ZNF619: variants seen among roughly 807,000 people sequenced by gnomAD.
The protein encoded by ZNF619 is zinc finger protein 619.
A neutral mutation model predicts 14.2 loss-of-function variants in ZNF619; 9 were observed. That is an observed-to-expected ratio of 0.64 (90% CI 0.38 to 1.11). ZNF619 has a LOEUF of 1.11. Among genes scored for constraint, ZNF619 ranks in the 50% least tolerant of loss-of-function variants. The pLI is 0.01. For missense variants in ZNF619, 659 were observed against 680.1 expected (o/e 0.97, Z 0.34); for synonymous variants, 246 against 252.8 (o/e 0.97, Z 0.26).
rs1173594279 is a variant in ZNF619, at chr3:40,487,406, A to G, written c.896A>G (p.Tyr299Cys). 1.2e-6 allele frequency: 2 copies of G among 1,614,248 alleles called. No homozygotes were observed. The highest frequency in any genetic ancestry group is 1.7e-6 in the Non-Finnish European group (2 of 1,180,046). ...ACTGACTGTGGTAAAACCTTCAGTT[A>G]TAATTCAAAACTGATTCGGCATCAG... Reference protein sequence around the residue: ...ECTDCGKTFSYNSKLIRHQRI... With the variant: ...ECTDCGKTFSCNSKLIRHQRI... Residue 299 changes from tyrosine to cysteine, a missense_variant, in exon 5 of 5, where the codon TAT becomes TGT. Coordinates refer to ENST00000432264, the MANE Select transcript of ZNF619 (RefSeq NM_001145093.4).
rs145391956 is a variant in ZNF619, at chr3:40,488,121, G to A, written c.1611G>A (p.Leu537=). The part of the protein sequence containing the change: ...VLPPSVPFFL[L]LPSSEKANPS... ...CTCCCTCTGTGCCTTTCTTCCTGCT[G>A]CTTCCCTCATCTGAAAAGGCCAACC... Residue 537 remains leucine (L), a synonymous_variant, in exon 5 of 5, where the codon CTG becomes CTA. Coordinates refer to ENST00000432264, the MANE Select transcript of ZNF619 (RefSeq NM_001145093.4). 82 of 1,614,004 alleles carry A rather than the reference G, an allele frequency of 5.1e-5. No individual in the cohort carries two copies. Among genetic ancestry groups the A allele is most frequent in the Non-Finnish European group, 6.9e-5 (81 of 1,180,014 alleles).
rs943557178 is a variant in ZNF619 at position 40,489,986 on chromosome 3, G to C, written c.*1745G>C. The C allele has an allele frequency of 6.6e-6, 1 of 152,184 alleles. No homozygotes were observed. Among genetic ancestry groups the C allele is most frequent in the Admixed American group, 6.5e-5 (1 of 15,282 alleles). The allele number at this position is 152,184 out of a possible 1,614,324, so 9.4% of individuals were successfully genotyped here. A position where few individuals can be genotyped will look rare whatever the true frequency, so the allele number is the denominator to read the frequency against. On this transcript the variant is annotated 3_prime_UTR_variant, in exon 5 of 5. Coordinates refer to ENST00000432264, the MANE Select transcript of ZNF619 (RefSeq NM_001145093.4). ...AATCCCCATTGTAACAGTACTGGGT[G>C]GGGGGTCTTTAAGAGGTGATCAGGA...
chr3:40,479,631 A>G (rs1305456983), intron 2 of ZNF619, among the ~76,000 whole-genome samples: 1 of 152,236 alleles, frequency 6.6e-6, no homozygotes. Flanking sequence ...TTAACAGCTA[A>G]TGAGTATTAG....
At position 40,487,037 on chromosome 3, in the gene ZNF619, A is replaced by G. The variant is rs775138478; in HGVS notation, c.527A>G (p.Glu176Gly). 3 of 1,614,182 alleles carry G rather than the reference A, an allele frequency of 1.9e-6. No homozygotes were observed. The South Asian group carries it at 3.3e-5, about 18-fold the overall frequency. ...CATGAATCTTCCACCACTGAAAGGG[A>G]GGAGATAGCCAGGAAATTGGAAGAA... is the stretch of plus-strand genomic sequence containing the variant. The part of the protein sequence containing the change: ...QDHESSTTER[E>G]EIARKLEESS... The change falls in exon 5 of 5, where the codon GAG (glutamate) becomes GGG (glycine). Residue 176 changes from glutamate to glycine, a missense_variant. Glu to Gly is a moderately conservative substitution (Grantham distance 98). Coordinates refer to ENST00000432264, the MANE Select transcript of ZNF619 (RefSeq NM_001145093.4).
At chr3:40,477,499 C>G (rs889186471) in intron 1 of ZNF619, 142 bp downstream of exon 1, 1 of 163,568 alleles carries the variant, frequency 6.1e-6, no homozygotes, top group Non-Finnish European at 1.4e-5. Context: ...GGCTGGGTCA[C>G]CACTTATATT....
Position 40,477,926 on chromosome 3 carries a change from G to A in ZNF619, c.-54G>A. The A allele has an allele frequency of 1.3e-6, 2 of 1,544,680 alleles. No individual in the cohort carries two copies. The highest frequency in any genetic ancestry group is 1.8e-6 in the Non-Finnish European group (2 of 1,140,376). ...TTGTGGTTCTCTCTTAGCTCCGCAG[G>A]TTCTTACTTTTTCAAACCTAGAGGG... On this transcript the variant is annotated 5_prime_UTR_variant, in exon 2 of 5. Coordinates refer to ENST00000432264, the MANE Select transcript of ZNF619 (RefSeq NM_001145093.4).
At chr3:40,479,380 A>G (rs913467420) in intron 2 of ZNF619, among the ~76,000 whole-genome samples, 1 of 152,186 alleles carries the variant, frequency 6.6e-6, no homozygotes, top group African/African-American at 2.4e-5. Flanking sequence ...AGTCTTTGCT[A>G]CAATCTCTAA....
intron 4 of ZNF619, chr3:40,483,573 G>C (rs1697478197): frequency 2.3e-6 from 1 of 442,202 alleles, no homozygotes; most frequent in Admixed American, 2.4e-5. Flanking sequence ...TTACAGGTGT[G>C]AGGCACCATG....
chr3:40,487,306 G>A lies in ZNF619; in HGVS notation c.796G>A (p.Gly266Arg). ...GAAACCATACTCATGTGAGGAATGT[G>A]GACAAGCCTTCAGTCAAAATTCCCA... ...GEKPYSCEECGQAFSQNSHLL... is the reference protein window; with the variant it reads ...GEKPYSCEECRQAFSQNSHLL... The change falls in exon 5 of 5, where the codon GGA becomes AGA. Residue 266 changes from glycine to arginine, a missense_variant. Coordinates refer to ENST00000432264, the MANE Select transcript of ZNF619 (RefSeq NM_001145093.4). The A allele has an allele frequency of 6.2e-7, 1 of 1,614,092 alleles. No homozygotes were observed. The highest frequency in any genetic ancestry group is 8.5e-7 in the Non-Finnish European group (1 of 1,180,022).
chr3:40,487,971 AG>A lies in ZNF619; in HGVS notation c.1464del (p.Leu489TyrfsTer25). The A allele has an allele frequency of 6.2e-7, 1 of 1,614,234 alleles. No homozygotes were observed. The highest frequency in any genetic ancestry group is 8.5e-7 in the Non-Finnish European group (1 of 1,180,032). The part of the protein sequence containing the change: ...HTRKKLINGT[G>X]LSAVKPYCPC... Reference sequence around the variant, plus strand: ...CTAGGAAGAAACTCATCAATGGAACAGGGCTATCCGCAGTTAAGCCCTACTG... The same window carrying A: ...CTAGGAAGAAACTCATCAATGGAACAGGCTATCCGCAGTTAAGCCCTACTG... On this transcript the variant is annotated frameshift_variant, in exon 5 of 5. Transcript: ENST00000432264. LOFTEE classifies it low-confidence loss of function (END_TRUNC).
At chr3:40,482,120 C>G (rs1419335482) in intron 3 of ZNF619, 104 bp downstream of exon 3, 10 of 1,554,740 alleles carry the variant, frequency 6.4e-6, no homozygotes, top group Middle Eastern at 1.8e-4. Context: ...AATTGATGCC[C>G]TATGGGCTGA....
At position 40,481,875 on chromosome 3, in the gene ZNF619, A is replaced by G. The variant is rs750605345; in HGVS notation, c.37A>G (p.Asn13Asp). ...QTVWFQGLGR[N>D]LLFQEPVTFE... ...TGTTCTTGTGCAGGGCTTGGGCAGG[A>G]ACCTGTTGTTTCAGGAGCCAGTAAC... The change falls in exon 3 of 5, where the codon AAC (asparagine) becomes GAC (aspartate). Residue 13 changes from asparagine to aspartate, a missense_variant. Coordinates refer to ENST00000432264, the MANE Select transcript of ZNF619 (RefSeq NM_001145093.4). 4.4e-6 allele frequency: 7 copies of G among 1,607,396 alleles called. No homozygotes were observed. In the Admixed American group the frequency reaches 1.0e-4, roughly 24 times the overall value.
rs1405571666 is a variant in ZNF619, at chr3:40,490,778, G to A, written c.*2537G>A. Among the ~76,000 whole-genome samples, 2 of 152,264 alleles carry A rather than the reference G, an allele frequency of 1.3e-5. No individual in the cohort carries two copies. Among genetic ancestry groups the A allele is most frequent in the African/African-American group, 4.8e-5 (2 of 41,546 alleles). ...CATAAAAAATATGTGTTAATCGACT[G>A]TTTCAGTAAGGCTCTGGTCAACAGT... is the stretch of plus-strand genomic sequence containing the variant. On this transcript the variant is annotated 3_prime_UTR_variant, in exon 5 of 5. Transcript: ENST00000432264.
rs1265259479 is a variant in ZNF619, at chr3:40,489,798, G to T, written c.*1557G>T. The T allele has an allele frequency of 2.6e-5, 4 of 152,262 alleles. 1 individual carries two copies. The South Asian group carries it at 6.2e-4, about 24-fold the overall frequency. The allele number at this position is 152,262 out of a possible 1,614,324, so 9.4% of individuals were successfully genotyped here. A position where few individuals can be genotyped will look rare whatever the true frequency, so the allele number is the denominator to read the frequency against. On this transcript the variant is annotated 3_prime_UTR_variant, in exon 5 of 5. Transcript: ENST00000432264. The stretch of plus-strand genomic sequence containing the variant: ...AGTTACTATGCAGGCCCTTGGATAT[G>T]TCCTCACACCTACTCCAGATTTCCC...
In ZNF619 at chr3:40,482,601, C is replaced by A; in HGVS notation, c.192C>A (p.Phe64Leu). The A allele has an allele frequency of 6.2e-7, 1 of 1,614,112 alleles. No homozygotes were observed. The highest frequency in any genetic ancestry group is 8.5e-7 in the Non-Finnish European group (1 of 1,180,030). Residue 64 changes from phenylalanine to leucine, a missense_variant, in exon 4 of 5, where the codon TTC becomes TTA. Coordinates refer to ENST00000432264, the MANE Select transcript of ZNF619 (RefSeq NM_001145093.4). ...TTTCTCCTGTAGCAGCATTTCCATT[C>A]CCCAAACCAGATCTGATATTCCAGC... is the stretch of plus-strand genomic sequence containing the variant. ...ANVTSLSAFP[F>L]PKPDLIFQLE...
At position 40,487,789 on chromosome 3, in the gene ZNF619, C is replaced by A. The variant is rs867200892; in HGVS notation, c.1279C>A (p.Pro427Thr). ...VHQRIHNGEK[P>T]YECQECGKTF... The stretch of plus-strand genomic sequence containing the variant: ...TCAGAGAATCCACAATGGGGAGAAA[C>A]CCTATGAATGCCAGGAATGTGGGAA... The change falls in exon 5 of 5, where the codon CCC (proline) becomes ACC (threonine). Residue 427 changes from proline (P) to threonine (T), a missense_variant. Pro to Thr is a conservative substitution (Grantham distance 38). Transcript: ENST00000432264. 1 of 1,613,974 alleles carries A rather than the reference C, an allele frequency of 6.2e-7. No homozygotes were observed. Among genetic ancestry groups the A allele is most frequent in the African/African-American group, 1.3e-5 (1 of 74,892 alleles).
chr3:40,487,613 G>A lies in ZNF619; in HGVS notation c.1103G>A (p.Gly368Glu), dbSNP rs914669501. ...ATTCAGCATCAGAGAATCCACACTGGGGAGAAACCTTATGAATGTAAAGAG... is the reference window on the plus strand; with the variant it reads ...ATTCAGCATCAGAGAATCCACACTGAGGAGAAACCTTATGAATGTAAAGAG... ...VLIQHQRIHT[G>E]EKPYECKECG... Residue 368 changes from glycine (G) to glutamate (E), a missense_variant, in exon 5 of 5, where the codon GGG becomes GAG. By Grantham distance (98) the Gly-to-Glu change is moderately conservative (BLOSUM62 -2). Coordinates refer to ENST00000432264, the MANE Select transcript of ZNF619 (RefSeq NM_001145093.4). 3 of 1,614,024 alleles carry A rather than the reference G, an allele frequency of 1.9e-6. No individual in the cohort carries two copies. Among genetic ancestry groups the A allele is most frequent in the Non-Finnish European group, 2.5e-6 (3 of 1,180,022 alleles).
chr3:40,478,865 T>C (rs1321519117), intron 2 of ZNF619, among the ~76,000 whole-genome samples: 2 of 152,166 alleles, frequency 1.3e-5, no homozygotes, highest in Non-Finnish European at 2.9e-5. Context: ...GTTCGAGAAC[T>C]TCAGCAAAAA....
In ZNF619 at chr3:40,487,018, T is replaced by C; in HGVS notation, c.508T>C (p.Ser170Pro). 6.2e-7 allele frequency: 1 copy of C among 1,614,138 alleles called. No individual in the cohort carries two copies. The highest frequency in any genetic ancestry group is 1.3e-5 in the African/African-American group (1 of 75,050). Reference sequence around the variant, plus strand: ...AGATTTGACAGTCCAGGATCATGAATCTTCCACCACTGAAAGGGAGGAGAT... The same window carrying C: ...AGATTTGACAGTCCAGGATCATGAACCTTCCACCACTGAAAGGGAGGAGAT... ...CTDLTVQDHESSTTEREEIAR... is the reference protein window; with the variant it reads ...CTDLTVQDHEPSTTEREEIAR... The change falls in exon 5 of 5, where the codon TCT becomes CCT. Residue 170 changes from serine to proline, a missense_variant. Transcript: ENST00000432264.
Sources: allele counts gnomAD v4.1 joint callset (sites outside exome capture counted in the v4.1 genomes callset), GRCh38; gene constraint gnomAD v4.1.1; transcripts MANE v1.5; gene names NCBI Gene and HGNC (gene_info 2026-07-23, HGNC 2026-07-21).